The following MEFV variants were observed in gnomAD, a reference collection of about 807,000 sequenced individuals.
MEFV encodes pyrin.
In MEFV, 60 loss-of-function variants were observed where a neutral mutation model predicts 62.5. The ratio of observed to expected loss-of-function variants is 0.96; its 90% CI spans 0.78 to 1.19. The LOEUF (loss-of-function observed/expected upper bound fraction) is 1.19. Among genes scored for constraint, MEFV ranks in the 50% most tolerant of loss-of-function variants. The probability of loss-of-function intolerance (pLI) is 0.00; values close to 1 mark genes in which losing one functional copy is unlikely to be tolerated. For missense variants in MEFV, 1,169 were observed against 1,004.5 expected, an observed-to-expected ratio of 1.16 and a Z score of -2.21; for synonymous variants, 500 against 415.2, an observed-to-expected ratio of 1.20 and a Z score of -2.48.
Position 3,249,653 on chromosome 16 carries a change from G to T in MEFV, c.1038C>A (p.Gly346=), listed in dbSNP as rs141090517. 1.9e-6 allele frequency: 3 copies of T among 1,613,636 alleles called. No homozygotes were observed. Among genetic ancestry groups the T allele is most frequent in the South Asian group, 2.2e-5 (2 of 91,022 alleles). ...EAVSGHPQAS[G]SRSPGCPRCQ... ...ACCGGGGGCAGCCAGGTGAGCGGCTGCCTGAGGCCTGGGGGTGCCCAGAAA... is the reference window on the plus strand; with the variant it reads ...ACCGGGGGCAGCCAGGTGAGCGGCTTCCTGAGGCCTGGGGGTGCCCAGAAA... The change falls in exon 3 of 10, where the codon GGC becomes GGA. Residue 346 remains glycine, a synonymous_variant. Transcript: ENST00000219596.
intron 4 of MEFV, chr16:3,247,920 G>A (rs1163543861): frequency 7.3e-6 from 1 of 136,852 alleles, no homozygotes; most frequent in Admixed American, 7.6e-5. Flanking sequence ...GGACGACGGA[G>A]TGAGATTCCA....
At chr16:3,247,564 A>C in intron 4 of MEFV, 1 of 375,352 alleles carries the variant, frequency 2.7e-6, no homozygotes, top group South Asian at 2.8e-5. Flanking sequence ...GAGTTCTTGC[A>C]GATGTAATTA....
In MEFV at chr16:3,247,078, G is replaced by C; in HGVS notation, c.1525C>G (p.Leu509Val). 1 of 1,614,188 alleles carries C rather than the reference G, an allele frequency of 6.2e-7. No homozygotes were observed. The change falls in exon 5 of 10, where the codon CTC (leucine) becomes GTC (valine). Residue 509 changes from leucine (L) to valine (V), a missense_variant. Leu to Val is a conservative substitution (Grantham distance 32). Transcript: ENST00000219596. ...TCCAGTTCCCCAATCAGCGCATCGAGCAGGGCGATGTCCTGGGATACGCGG... is the reference window on the plus strand; with the variant it reads ...TCCAGTTCCCCAATCAGCGCATCGACCAGGGCGATGTCCTGGGATACGCGG... Reference protein sequence around the residue: ...DTRVSQDIALLDALIGELEAK... With the variant: ...DTRVSQDIALVDALIGELEAK...
chr16:3,245,642 A>AAAAG, intron 6 of MEFV, among the ~76,000 whole-genome samples: 1 of 151,324 alleles, frequency 6.6e-6, no homozygotes, highest in East Asian at 1.9e-4. Flanking sequence ...TTCAAAAAAA[A>AAAAG]AGAGAGAGAG....
At position 3,242,797 on chromosome 16, in the gene MEFV, G is replaced by GACAT. The variant is rs2141664045; in HGVS notation, c.*340_*343dup. 2.6e-6 allele frequency: 1 copy of GACAT among 387,958 alleles called. No homozygotes were observed. The highest frequency in any genetic ancestry group is 4.9e-6 in the Non-Finnish European group (1 of 203,848). The allele number at this position is 387,958 out of a possible 1,614,324, so 24.0% of individuals were successfully genotyped here. On this transcript the variant is annotated 3_prime_UTR_variant, in exon 10 of 10. Coordinates refer to ENST00000219596, the MANE Select transcript of MEFV (RefSeq NM_000243.3). ...AAGACAGAAGCAGAGAGAACAAGGG[G>GACAT]ACATATATCCTTGCCGTGGGGTTCT...
At chr16:3,252,244 G>T (rs1024994992) in intron 2 of MEFV, among the ~76,000 whole-genome samples, 1 of 151,220 alleles carries the variant, frequency 6.6e-6, no homozygotes, top group Non-Finnish European at 1.5e-5. Flanking sequence ...TCCCCTCCCA[G>T]GTCTCAGGGG....
In MEFV at chr16:3,249,519, T is replaced by C. The variant is rs1466714832; in HGVS notation, c.1172A>G (p.Asp391Gly). ...QVQLLFCEDH[D>G]EPICLICSLS... ...ACTGCAGATGAGGCAGATGGGCTCA[T>C]CGTGATCCTCACAGAAGAGCAGCTG... The change falls in exon 3 of 10, where the codon GAT (aspartate) becomes GGT (glycine). Residue 391 changes from aspartate (D) to glycine (G), a missense_variant. Coordinates refer to ENST00000219596, the MANE Select transcript of MEFV (RefSeq NM_000243.3). 1.2e-6 allele frequency: 2 copies of C among 1,614,074 alleles called. No homozygotes were observed. The highest frequency in any genetic ancestry group is 8.5e-7 in the Non-Finnish European group (1 of 1,180,042).
At chr16:3,246,876 T>C (rs1596352487) in intron 5 of MEFV, 140 bp downstream of exon 5, 1 of 852,270 alleles carries the variant, frequency 1.2e-6, no homozygotes, top group South Asian at 1.4e-5. Context: ...AGAGGCACTG[T>C]GGGTCACCAA....
rs769410690 is a variant in MEFV, at chr16:3,254,433, C to G, written c.635G>C (p.Arg212Thr). 1 of 1,611,622 alleles carries G rather than the reference C, an allele frequency of 6.2e-7. No individual in the cohort carries two copies. Among genetic ancestry groups the G allele is most frequent in the Admixed American group, 1.7e-5 (1 of 59,918 alleles). ...RLRRNASSAG[R>T]LQGLAGGAPG... Reference sequence around the variant, plus strand: ...GGCGCCCCCCGCCAGCCCCTGCAGCCTCCCCGCGGAGCTGGCGTTTCTGCG... The same window carrying G: ...GGCGCCCCCCGCCAGCCCCTGCAGCGTCCCCGCGGAGCTGGCGTTTCTGCG... The change falls in exon 2 of 10, where the codon AGG (arginine) becomes ACG (threonine). Residue 212 changes from arginine to threonine, a missense_variant. Coordinates refer to ENST00000219596, the MANE Select transcript of MEFV (RefSeq NM_000243.3).
chr16:3,253,706 G>C (rs1959071176), intron 2 of MEFV, among the ~76,000 whole-genome samples: 1 of 151,976 alleles, frequency 6.6e-6, no homozygotes, highest in Non-Finnish European at 1.5e-5. Flanking sequence ...TGTAGAAGTG[G>C]AGTCTGGCTA....
Position 3,243,061 on chromosome 16 carries a change from C to A in MEFV, c.*80G>T. On this transcript the variant is annotated 3_prime_UTR_variant, in exon 10 of 10. Coordinates refer to ENST00000219596, the MANE Select transcript of MEFV (RefSeq NM_000243.3). ...TTGCATTTCCCATAGCAGCTAGCAC[C>A]TAGTCGGCATTCCGTGACTATTGAG... is the stretch of plus-strand genomic sequence containing the variant. 1.3e-6 allele frequency: 2 copies of A among 1,497,342 alleles called. No homozygotes were observed. Among genetic ancestry groups the A allele is most frequent in the Non-Finnish European group, 1.9e-6 (2 of 1,077,354 alleles). 92.8% of individuals were successfully genotyped at this position (1,497,342 alleles called of 1,614,324 possible). A position where few individuals can be genotyped will look rare whatever the true frequency, so the allele number is the denominator to read the frequency against.
chr16:3,243,471 T>A lies in MEFV; in HGVS notation c.2016A>T (p.Thr672=). Residue 672 remains threonine, a synonymous_variant, in exon 10 of 10, where the codon ACA becomes ACT. Coordinates refer to ENST00000219596, the MANE Select transcript of MEFV (RefSeq NM_000243.3). ...KTAWILGACK[T]SISRKGNMTL... is the part of the protein sequence containing the mutation. ...TCATGTTCCCTTTCCTGCTTATGGA[T>A]GTCTTGCAGGCTCCCAGGATCCATG... 1.2e-6 allele frequency: 2 copies of A among 1,614,124 alleles called. No homozygotes were observed. Among genetic ancestry groups the A allele is most frequent in the Non-Finnish European group, 8.5e-7 (1 of 1,180,028 alleles).
At position 3,249,926 on chromosome 16, in the gene MEFV, C is replaced by T. The variant is rs945386393; in HGVS notation, c.911-146G>A. On this transcript the variant is annotated intron_variant, in intron 2 of 9. Coordinates refer to ENST00000219596, the MANE Select transcript of MEFV (RefSeq NM_000243.3). ...GCCCACTTCCTAGCTTGTCCTCCCC[C>T]GACTTCCATCCAGTGAGGAAGCAAA... 5.0e-5 allele frequency: 36 copies of T among 716,734 alleles called. 1 individual carries two copies. Among genetic ancestry groups the T allele is most frequent in the South Asian group, 2.3e-4 (14 of 59,968 alleles). 44.4% of individuals were successfully genotyped at this position (716,734 alleles called of 1,614,324 possible).
At chr16:3,253,293 C>A (rs1468512494) in intron 2 of MEFV, among the ~76,000 whole-genome samples, 1 of 152,034 alleles carries the variant, frequency 6.6e-6, no homozygotes, top group Non-Finnish European at 1.5e-5. Context: ...TGTGTCCATG[C>A]GATGTAGGAA....
intron 1 of MEFV, 76 bp downstream of exon 1, chr16:3,256,235 C>G: frequency 1.3e-6 from 2 of 1,545,002 alleles, no homozygotes; most frequent in South Asian, 1.2e-5. Context: ...GTGAGCTGCT[C>G]TGAGCTCCTG....
intron 2 of MEFV, among the ~76,000 whole-genome samples, chr16:3,252,312 C>T (rs1044746131): frequency 6.9e-6 from 1 of 145,512 alleles, no homozygotes; most frequent in Non-Finnish European, 1.5e-5. Flanking sequence ...TTGCTCTTGT[C>T]GCCCAGGCTA....
At chr16:3,249,047 G>A in intron 3 of MEFV, 43 bp from the exon 4 acceptor site, 1 of 1,584,866 alleles carries the variant, frequency 6.3e-7, no homozygotes. Context: ...TTTGGCTCCT[G>A]CCATCTTTAG....
At position 3,256,466 on chromosome 16, in the gene MEFV, G is replaced by A; in HGVS notation, c.122C>T (p.Pro41Leu). The A allele has an allele frequency of 6.2e-7, 1 of 1,614,190 alleles. No individual in the cohort carries two copies. Among genetic ancestry groups the A allele is most frequent in the East Asian group, 2.2e-5 (1 of 44,890 alleles). The change falls in exon 1 of 10, where the codon CCC becomes CTC. Residue 41 changes from proline (P) to leucine (L), a missense_variant. Transcript: ENST00000219596. ...TSVQKEHSRI[P>L]RSQIQRARPV... The stretch of plus-strand genomic sequence containing the variant: ...CCTGGCTCTCTGGATCTGGCTCCGG[G>A]GGATCCTGGAGTGCTCCTTCTGCAC...
chr16:3,249,705 C>A lies in MEFV; in HGVS notation c.986G>T (p.Arg329Leu). The change falls in exon 3 of 10, where the codon CGT (arginine) becomes CTT (leucine). Residue 329 changes from arginine (R) to leucine (L), a missense_variant. Physicochemically the swap from Arg to Leu is moderately radical, Grantham distance 102 (BLOSUM62 -2). Coordinates refer to ENST00000219596, the MANE Select transcript of MEFV (RefSeq NM_000243.3). ...EGDPVDGTCV[R>L]DSCSFPEAVS... ...TGCCTCGGGGAAGCTGCAGGAATCA[C>A]GCACACAGGTACCGTCAACTGGGTC... The A allele has an allele frequency of 6.2e-7, 1 of 1,613,768 alleles. No homozygotes were observed. The highest frequency in any genetic ancestry group is 8.5e-7 in the Non-Finnish European group (1 of 1,179,792).
Sources: gnomAD v4.1 joint callset for allele counts (sites outside exome capture counted in the v4.1 genomes callset) on GRCh38, gnomAD v4.1.1 for gene constraint, MANE v1.5 for transcripts, NCBI Gene and HGNC (gene_info 2026-07-23, HGNC 2026-07-21) for gene names.